PTPRN2: variants seen among roughly 807,000 people sequenced by gnomAD.
PTPRN2 encodes the protein receptor-type tyrosine-protein phosphatase N2.
PTPRN2 carries 74 observed loss-of-function variants against 118.8 expected under a neutral mutation model. The ratio of observed to expected loss-of-function variants is 0.62; its 90% confidence interval spans 0.52 to 0.76. The LOEUF is 0.76. PTPRN2 is among the 30% of genes least tolerant of loss of function. The pLI, the probability that PTPRN2 is intolerant of heterozygous loss-of-function variation, is 0.00. For synonymous variants in PTPRN2, 641 were observed against 608.0 expected (o/e 1.05, Z -0.80); for missense variants, 1,481 against 1,394.4 (o/e 1.06, Z -0.99).
At chr7:158,340,674 A>T (rs1475656920) in intron 2 of PTPRN2, among the ~76,000 whole-genome samples, 4 of 96,954 alleles carry the variant, frequency 4.1e-5, no homozygotes, top group African/African-American at 1.5e-4. Context: ...ACTCACACCC[A>T]CACTCTCACC....
At chr7:157,960,494 A>G (rs922818970) in intron 11 of PTPRN2, among the ~76,000 whole-genome samples, 1 of 152,364 alleles carries the variant, frequency 6.6e-6, no homozygotes, top group South Asian at 2.1e-4. Context: ...CATTTTAACC[A>G]TCTAATTTCA....
chr7:157,984,290 C>CATCCCACGCCAGGCTCCACCCA (rs1554507055), intron 11 of PTPRN2, among the ~76,000 whole-genome samples: 1 of 74,716 alleles, frequency 1.3e-5, no homozygotes, highest in Non-Finnish European at 2.8e-5. Context: ...GGCTCCACCC[C>CATCCCACGCCAGGCTCCACCCA]ATCCCACGCC....
chr7:157,920,999 A>T (rs1415608712), intron 11 of PTPRN2, among the ~76,000 whole-genome samples: 3 of 152,214 alleles, frequency 2.0e-5, no homozygotes, highest in Non-Finnish European at 4.4e-5. Flanking sequence ...TAGAGTTGAA[A>T]ACTTATGTCC....
At chr7:157,684,329 T>G (rs956738312) in intron 12 of PTPRN2, among the ~76,000 whole-genome samples, 2 of 125,888 alleles carry the variant, frequency 1.6e-5, no homozygotes, top group East Asian at 2.3e-4. Flanking sequence ...CGGGAGGCGG[T>G]GGAGCCGCCG....
intron 11 of PTPRN2, among the ~76,000 whole-genome samples, chr7:158,023,859 T>C (rs1002181264): frequency 1.3e-5 from 2 of 148,884 alleles, no homozygotes; most frequent in Admixed American, 1.3e-4. Context: ...GGCAAACACA[T>C]AGGGCCTGGC....
Position 157,591,220 on chromosome 7 carries a change from G to A in PTPRN2, c.2496+4018C>T, listed in dbSNP as rs1299163733. Among the ~76,000 whole-genome samples the A allele has an allele frequency of 3.9e-5, 6 of 152,148 alleles. No individual in the cohort carries two copies. Among genetic ancestry groups the A allele is most frequent in the South Asian group, 2.1e-4 (1 of 4,824 alleles). ...GAGTGCACGGGCCTGGGGCAGACAC[G>A]GCCATCTTTCCCATCACGGCCTTTC... is the stretch of plus-strand genomic sequence containing the variant. On this transcript the variant is annotated intron_variant, in intron 17 of 22. Transcript: ENST00000389418. The surrounding 1 kb of genome is among the most constrained non-coding windows in gnomAD (Gnocchi z 4.4).
rs558829670 is a variant in PTPRN2, at chr7:158,266,523, G to A, written c.277+50296C>T. Among the ~76,000 whole-genome samples the A allele has an allele frequency of 3.6e-4, 55 of 151,998 alleles. 1 individual carries two copies. The highest frequency in any genetic ancestry group is 1.9e-3 in the South Asian group (9 of 4,814). The stretch of plus-strand genomic sequence containing the variant: ...GATGTCTGGCAGTGAGGCTGGGGAC[G>A]GTGTCTGCTGCGGTGTGATGTCTGG... On this transcript the variant is annotated intron_variant, in intron 3 of 22. Coordinates refer to ENST00000389418, the MANE Select transcript of PTPRN2 (RefSeq NM_002847.5).
intron 2 of PTPRN2, among the ~76,000 whole-genome samples, chr7:158,341,818 C>A (rs1441635646): frequency 2.3e-5 from 3 of 130,072 alleles, no homozygotes; most frequent in Non-Finnish European, 3.2e-5. Flanking sequence ...TAAGAGGTGA[C>A]ACCAGCAGAC....
At chr7:158,238,955 C>T (rs191661029) in intron 3 of PTPRN2, among the ~76,000 whole-genome samples, 10 of 152,300 alleles carry the variant, frequency 6.6e-5, no homozygotes, top group South Asian at 4.1e-4. Flanking sequence ...TGCTAAGCCA[C>T]GCGGCTCCCC....
chr7:157,607,294 G>A (rs1802061418), intron 15 of PTPRN2, among the ~76,000 whole-genome samples: 1 of 152,238 alleles, frequency 6.6e-6, no homozygotes, highest in Non-Finnish European at 1.5e-5. Flanking sequence ...AGCCAGAGAT[G>A]AGGCTGTGGT....
At chr7:158,009,597 A>T (rs1805897099) in intron 11 of PTPRN2, among the ~76,000 whole-genome samples, 1 of 152,164 alleles carries the variant, frequency 6.6e-6, no homozygotes, top group African/African-American at 2.4e-5. Context: ...AGATGAGTAA[A>T]ATTTTCCCAC....
chr7:158,432,392 G>A (rs796980293), intron 2 of PTPRN2, among the ~76,000 whole-genome samples: 1 of 152,184 alleles, frequency 6.6e-6, no homozygotes, highest in African/African-American at 2.4e-5. Context: ...CTCAGATAGC[G>A]GATTTCAAAC....
At chr7:158,557,491 T>C (rs1302446808) in intron 1 of PTPRN2, among the ~76,000 whole-genome samples, 1 of 152,258 alleles carries the variant, frequency 6.6e-6, no homozygotes, top group Non-Finnish European at 1.5e-5. Context: ...CTCAGTCGCT[T>C]CTTGGCCCTG....
intron 12 of PTPRN2, among the ~76,000 whole-genome samples, chr7:157,891,520 C>T (rs918684955): frequency 2.6e-4 from 38 of 144,828 alleles, no homozygotes; most frequent in African/African-American, 8.7e-4. Context: ...ACACATCACA[C>T]GGCAAATTCA....
Position 157,615,323 on chromosome 7 carries a change from C to G in PTPRN2, c.2344+6039G>C, listed in dbSNP as rs1343011778. On this transcript the variant is annotated intron_variant, in intron 15 of 22. Coordinates refer to ENST00000389418, the MANE Select transcript of PTPRN2 (RefSeq NM_002847.5). This position sits in a 1 kb window ranked among gnomAD's most constrained non-coding sequence, Gnocchi z 4.3. The stretch of plus-strand genomic sequence containing the variant: ...TGTGCGTGGGTTGCGGCTGGGTCTG[C>G]GCTGGGGTAGTGTAGGCTGCACTCT... The G allele has an allele frequency of 1.5e-5, 6 of 403,782 alleles. 1 individual carries two copies. The highest frequency in any genetic ancestry group is 1.1e-4 in the South Asian group (6 of 53,798). The allele number at this position is 403,782 out of a possible 1,614,324, so 25.0% of individuals were successfully genotyped here.
At chr7:157,723,332 A>T (rs12113311) in intron 12 of PTPRN2, among the ~76,000 whole-genome samples, 4 of 152,040 alleles carry the variant, frequency 2.6e-5, no homozygotes, top group Middle Eastern at 3.4e-3. Context: ...CTGTCACAGC[A>T]CTGGCTGAAT....
chr7:157,911,859 C>G (rs1178095010), intron 11 of PTPRN2, among the ~76,000 whole-genome samples: 1 of 152,150 alleles, frequency 6.6e-6, no homozygotes, highest in African/African-American at 2.4e-5. Flanking sequence ...TGCCTTCCGT[C>G]TTCTGCTAAC....
In PTPRN2 at chr7:157,632,202, G is replaced by T. The variant is rs1804002927; in HGVS notation, c.2197-10693C>A. On this transcript the variant is annotated intron_variant, in intron 14 of 22. Coordinates refer to ENST00000389418, the MANE Select transcript of PTPRN2 (RefSeq NM_002847.5). The surrounding 1 kb of genome is among the most constrained non-coding windows in gnomAD (Gnocchi z 4.3). Reference sequence around the variant, plus strand: ...TTCTTACACAATGCCCAGGTGACCTGCAGGGTACTTCCTGGAGTCCACAGC... The same window carrying T: ...TTCTTACACAATGCCCAGGTGACCTTCAGGGTACTTCCTGGAGTCCACAGC... Among the ~76,000 whole-genome samples, 1 of 152,164 alleles carries T rather than the reference G, an allele frequency of 6.6e-6. No homozygotes were observed. The highest frequency in any genetic ancestry group is 2.4e-5 in the African/African-American group (1 of 41,440).
At chr7:158,383,049 C>T (rs973589902) in intron 2 of PTPRN2, among the ~76,000 whole-genome samples, 3 of 152,094 alleles carry the variant, frequency 2.0e-5, no homozygotes, top group Non-Finnish European at 2.9e-5. Context: ...TGGCACACTC[C>T]GTCAGTATCC....
Sources: gnomAD v4.1 joint callset for allele counts (sites outside exome capture counted in the v4.1 genomes callset) on GRCh38, gnomAD v4.1.1 for gene constraint, Gnocchi (gnomAD v3.1) non-coding constraint, MANE v1.5 for transcripts, NCBI Gene and HGNC (gene_info 2026-07-23, HGNC 2026-07-21) for gene names.